The following ATP13A3 variants were observed in gnomAD, a reference collection of about 807,000 sequenced individuals.
ATP13A3 encodes polyamine-transporting ATPase 13A3.
In ATP13A3, 59 loss-of-function variants were observed where a neutral mutation model predicts 158.1. The observed-to-expected ratio is 0.37, with a 90% CI of 0.30 to 0.46. The LOEUF (loss-of-function observed/expected upper bound fraction) is 0.46, where lower values mean the gene tolerates loss of function less well. Ranked by LOEUF, ATP13A3 falls within the 20% of genes least tolerant of loss-of-function variation. The probability of loss-of-function intolerance (pLI) is 1.00; values close to 1 mark genes in which losing one functional copy is unlikely to be tolerated. For missense variants in ATP13A3, 1,166 were observed against 1,525.2 expected, an observed-to-expected ratio of 0.76 and a Z score of 3.92; for synonymous variants, 491 against 504.3, an observed-to-expected ratio of 0.97 and a Z score of 0.35.
At chr3:194,434,846 A>C (rs1717505347) in intron 20 of ATP13A3, among the ~76,000 whole-genome samples, 1 of 152,186 alleles carries the variant, frequency 6.6e-6, no homozygotes, top group Non-Finnish European at 1.5e-5. Flanking sequence ...TTTAAGGCCC[A>C]GGTGGTCAAG....
intron 20 of ATP13A3, among the ~76,000 whole-genome samples, chr3:194,434,416 A>G (rs958865483): frequency 6.6e-6 from 1 of 152,222 alleles, no homozygotes; most frequent in African/African-American, 2.4e-5. Flanking sequence ...TATAGTTATC[A>G]AGATGCTATT....
At chr3:194,463,767 A>G (rs1467715149) in intron 2 of ATP13A3, among the ~76,000 whole-genome samples, 1 of 152,264 alleles carries the variant, frequency 6.6e-6, no homozygotes, top group Admixed American at 6.5e-5. Context: ...GATGATATAA[A>G]TTAACAGCCA....
chr3:194,479,207 C>A (rs371658794), intron 2 of ATP13A3, among the ~76,000 whole-genome samples: 31 of 152,280 alleles, frequency 2.0e-4, no homozygotes, highest in East Asian at 9.6e-4. Flanking sequence ...TAAAATTATT[C>A]TTCAACTAAC....
At position 194,404,075 on chromosome 3, in the gene ATP13A3, TGAA is replaced by T. The variant is rs1386472167; in HGVS notation, c.*1841_*1843del. 1 of 449,880 alleles carries T rather than the reference TGAA, an allele frequency of 2.2e-6. No homozygotes were observed. The highest frequency in any genetic ancestry group is 2.0e-5 in the African/African-American group (1 of 49,572). 27.9% of individuals were successfully genotyped at this position (449,880 alleles called of 1,614,324 possible). On this transcript the variant is annotated 3_prime_UTR_variant, in exon 34 of 34. Transcript: ENST00000645319. ...TAAAATGCACAATTGTGGAAATCAC[TGAA>T]GAATAACACGAGCATATTTGAAATT...
intron 33 of ATP13A3, among the ~76,000 whole-genome samples, chr3:194,410,318 A>AAAC (rs1715292220): frequency 2.7e-5 from 4 of 145,994 alleles, no homozygotes; most frequent in African/African-American, 1.0e-4. Flanking sequence ...AAAAAAAAAA[A>AAAC]AAAAAAAAAA....
chr3:194,418,393 T>C (rs1307937215), intron 31 of ATP13A3, among the ~76,000 whole-genome samples: 2 of 152,138 alleles, frequency 1.3e-5, no homozygotes, highest in African/African-American at 2.4e-5. Context: ...TGGGAGAAGA[T>C]ATTTATCACT....
At chr3:194,451,904 A>C (rs974627595) in intron 10 of ATP13A3, 2 of 152,372 alleles carry the variant, frequency 1.3e-5, no homozygotes, top group Admixed American at 1.3e-4. Context: ...GTCACATTTA[A>C]GTATCTTTTG....
In ATP13A3 at chr3:194,430,094, A is replaced by C. The variant is rs200408820; in HGVS notation, c.2755T>G (p.Ser919Ala). 1,057 of 1,614,088 alleles carry C rather than the reference A, an allele frequency of 6.5e-4. 4 individuals carry two copies. The Middle Eastern group carries it at 0.013, about 20-fold the overall frequency. The change falls in exon 26 of 34, where the codon TCC becomes GCC. Residue 919 changes from serine (S) to alanine (A), a missense_variant. This residue lies in a region of ATP13A3 where 997 missense variants were observed against 1,341.2 expected (regional missense o/e 0.74). Coordinates refer to ENST00000645319, the MANE Select transcript of ATP13A3 (RefSeq NM_001367549.1). The stretch of plus-strand genomic sequence containing the variant: ...TACCTGATAAGGTTTGGCACACAGG[A>C]AATACTAGGAGTCTTAGAGGTAAAG... ...SPFTSKTPSISCVPNLIREGR... is the reference protein window; with the variant it reads ...SPFTSKTPSIACVPNLIREGR...
chr3:194,487,996 C>T (rs1721074612), upstream of ATP13A3: 1 of 152,348 alleles, frequency 6.6e-6, no homozygotes. Flanking sequence ...GACATCTCAC[C>T]AGGGGCAGCA....
intron 33 of ATP13A3, among the ~76,000 whole-genome samples, chr3:194,407,587 T>C (rs1005372713): frequency 1.3e-5 from 2 of 152,194 alleles, no homozygotes; most frequent in African/African-American, 4.8e-5. Flanking sequence ...CCGCTCTCAA[T>C]GTTAAAGGTC....
At chr3:194,446,266 C>T (rs1009567442) in intron 14 of ATP13A3, among the ~76,000 whole-genome samples, 3 of 152,128 alleles carry the variant, frequency 2.0e-5, no homozygotes, top group Admixed American at 1.3e-4. Context: ...GGCCCAGCCG[C>T]GACCACTATC....
chr3:194,438,596 G>A (rs1392998443), intron 17 of ATP13A3, among the ~76,000 whole-genome samples: 1 of 152,122 alleles, frequency 6.6e-6, no homozygotes, highest in Non-Finnish European at 1.5e-5. Flanking sequence ...GTTAAATAAA[G>A]GACTTGTGAC....
At chr3:194,476,526 A>G (rs1328086173) in intron 2 of ATP13A3, among the ~76,000 whole-genome samples, 3 of 152,154 alleles carry the variant, frequency 2.0e-5, no homozygotes, top group Non-Finnish European at 4.4e-5. Context: ...AACTCTTCCT[A>G]TCTCACACCT....
chr3:194,439,805 T>C (rs993165778), intron 16 of ATP13A3, among the ~76,000 whole-genome samples: 1 of 152,336 alleles, frequency 6.6e-6, no homozygotes, highest in African/African-American at 2.4e-5. Flanking sequence ...CAATGAAATA[T>C]GCCATTATAC....
chr3:194,425,273 A>G (rs1167244362), intron 30 of ATP13A3, 69 bp downstream of exon 30: 4 of 1,357,674 alleles, frequency 2.9e-6, no homozygotes, highest in Non-Finnish European at 4.1e-6. Context: ...AGACAGTTAT[A>G]ATTATTCTCT....
At chr3:194,437,893 C>A (rs1017511939) in intron 17 of ATP13A3, among the ~76,000 whole-genome samples, 1 of 152,212 alleles carries the variant, frequency 6.6e-6, no homozygotes, top group Non-Finnish European at 1.5e-5. Context: ...GGCGCAGTGG[C>A]TCACCCCTGT....
chr3:194,467,559 T>G (rs953177016), intron 2 of ATP13A3, among the ~76,000 whole-genome samples: 23 of 150,872 alleles, frequency 1.5e-4, no homozygotes, highest in Non-Finnish European at 3.4e-4. Flanking sequence ...AAACCTCCAA[T>G]TAATTATTCA....
chr3:194,438,989 G>GA lies in ATP13A3; in HGVS notation c.1711-18dup. The stretch of plus-strand genomic sequence containing the variant: ...TTCCAGAATCTGGAAAAAAAAAAGA[G>GA]ACAAAAAAAAACAAAAACACAACAT... On this transcript the variant is annotated splice_polypyrimidine_tract_variant and intron_variant, in intron 16 of 33. Coordinates refer to ENST00000645319, the MANE Select transcript of ATP13A3 (RefSeq NM_001367549.1). 1 of 1,470,544 alleles carries GA rather than the reference G, an allele frequency of 6.8e-7. No homozygotes were observed. The highest frequency in any genetic ancestry group is 1.3e-5 in the South Asian group (1 of 77,650). The allele number at this position is 1,470,544 out of a possible 1,614,324, so 91.1% of individuals were successfully genotyped here.
rs374809352 is a variant in ATP13A3, at chr3:194,437,516, A to G, written c.1845+40T>C. On this transcript the variant is annotated intron_variant, in intron 18 of 33. Transcript: ENST00000645319. ...GCACTTAATATTCTTAAAGAATCAA[A>G]ACAAATATACTTAGTAAGAAGTAAA... The G allele has an allele frequency of 2.4e-4, 395 of 1,613,140 alleles. 5 individuals carry two copies. In the South Asian group the frequency reaches 3.0e-3, roughly 12 times the overall value.
Sources: gnomAD v4.1 joint callset for allele counts (sites outside exome capture counted in the v4.1 genomes callset) on GRCh38, gnomAD v4.1.1 for gene constraint, gnomAD v4.1.1 regional missense constraint, MANE v1.5 for transcripts, NCBI Gene and HGNC (gene_info 2026-07-23, HGNC 2026-07-21) for gene names.